The following PTPRD variants were observed in gnomAD, a reference collection of about 807,000 sequenced individuals.
PTPRD encodes receptor-type tyrosine-protein phosphatase delta.
Under a neutral mutation model 214.5 loss-of-function variants are expected in PTPRD, and 34 were observed. The observed-to-expected ratio is 0.16, with a 90% CI of 0.12 to 0.21. The LOEUF (loss-of-function observed/expected upper bound fraction) is 0.21, where lower values mean the gene tolerates loss of function less well. Ranked by LOEUF, PTPRD falls within the 10% of genes least tolerant of loss-of-function variation. The pLI is 1.00. For missense variants in PTPRD, 2,545 were observed against 2,398.7 expected (o/e 1.06, Z -1.27); for synonymous variants, 1,128 against 845.7 (o/e 1.33, Z -5.79).
chr9:9,525,935 A>G (rs1171390696), intron 8 of PTPRD, among the ~76,000 whole-genome samples: 1 of 152,158 alleles, frequency 6.6e-6, no homozygotes, highest in Non-Finnish European at 1.5e-5. Flanking sequence ...CTCACTCTAG[A>G]AATCCTCATA....
chr9:10,481,113 G>A (rs1324791129), intron 2 of PTPRD, among the ~76,000 whole-genome samples: 1 of 151,762 alleles, frequency 6.6e-6, no homozygotes, highest in Admixed American at 6.6e-5. Context: ...AAAAGGAGAG[G>A]TGTTCTGAAA....
intron 3 of PTPRD, among the ~76,000 whole-genome samples, chr9:10,180,136 A>G (rs768336445): frequency 1.3e-5 from 2 of 152,124 alleles, no homozygotes; most frequent in Non-Finnish European, 2.9e-5. Context: ...AAGATATACA[A>G]TATTTGAAAA....
At chr9:9,438,683 G>A (rs1367603300) in intron 8 of PTPRD, among the ~76,000 whole-genome samples, 1 of 152,084 alleles carries the variant, frequency 6.6e-6, no homozygotes, top group East Asian at 1.9e-4. Flanking sequence ...TTATGAATTA[G>A]TATTTAAAAA....
chr9:9,000,407 G>A (rs1302691665), intron 11 of PTPRD, among the ~76,000 whole-genome samples: 1 of 151,990 alleles, frequency 6.6e-6, no homozygotes, highest in Non-Finnish European at 1.5e-5. Context: ...AAAGAGAGAA[G>A]ACAGAAATGG....
At chr9:9,455,245 T>A (rs960219680) in intron 8 of PTPRD, among the ~76,000 whole-genome samples, 1 of 151,594 alleles carries the variant, frequency 6.6e-6, no homozygotes, top group Non-Finnish European at 1.5e-5. Context: ...GAGATGTAGA[T>A]GGGAAAATGA....
chr9:8,521,181 G>T, intron 20 of PTPRD, 96 bp downstream of exon 20: 7 of 1,354,022 alleles, frequency 5.2e-6, no homozygotes, highest in Non-Finnish European at 7.0e-6. Context: ...GCTGAATAAT[G>T]AATTATTTTA....
intron 3 of PTPRD, among the ~76,000 whole-genome samples, chr9:10,168,678 T>A (rs2099175589): frequency 6.6e-6 from 1 of 152,206 alleles, no homozygotes; most frequent in African/African-American, 2.4e-5. Flanking sequence ...AAGTATTTAT[T>A]AAAAGAAAAT....
At chr9:10,551,332 T>C (rs1328702834) in intron 2 of PTPRD, among the ~76,000 whole-genome samples, 1 of 152,144 alleles carries the variant, frequency 6.6e-6, no homozygotes, top group East Asian at 1.9e-4. Context: ...CAGGGAGACC[T>C]TGTCACCAAA....
At chr9:9,732,157 G>A (rs572863226) in intron 7 of PTPRD, among the ~76,000 whole-genome samples, 1 of 152,116 alleles carries the variant, frequency 6.6e-6, no homozygotes, top group Non-Finnish European at 1.5e-5. Flanking sequence ...GCTGGTCACA[G>A]AAGCAGAAAT....
At chr9:8,662,535 A>C (rs552605222) in intron 12 of PTPRD, among the ~76,000 whole-genome samples, 1 of 152,256 alleles carries the variant, frequency 6.6e-6, no homozygotes, top group Non-Finnish European at 1.5e-5. Context: ...CAGGGCTCTG[A>C]TACAGCCTAG....
In PTPRD at chr9:9,401,734, T is replaced by TGGG. The variant is rs1452809611; in HGVS notation, c.-236-4253_-236-4252insCCC. The stretch of plus-strand genomic sequence containing the variant: ...CCCATGTGTCCTGGGAGGGACCCAG[T>TGGG]AGGAGGCAATTGAATCATGGGGGTG... On this transcript the variant is annotated intron_variant, in intron 8 of 45. Transcript: ENST00000381196. 9.2e-5 allele frequency among the ~76,000 whole-genome samples: 14 copies of TGGG among 152,104 alleles called. No homozygotes were observed. The South Asian group carries it at 2.9e-3, about 32-fold the overall frequency.
At chr9:8,376,492 C>G in intron 38 of PTPRD, 115 bp downstream of exon 38, 1 of 1,436,826 alleles carries the variant, frequency 7.0e-7, no homozygotes, top group Admixed American at 1.8e-5. Context: ...TCATTCTTCA[C>G]TGTTGCCATT....
intron 8 of PTPRD, among the ~76,000 whole-genome samples, chr9:9,543,328 C>A (rs990901397): frequency 1.8e-4 from 28 of 151,610 alleles, no homozygotes; most frequent in Admixed American, 9.2e-4. Context: ...TAGAAATTTG[C>A]ACAAGGCTAC....
chr9:9,948,397 C>T (rs1304671591), intron 4 of PTPRD, among the ~76,000 whole-genome samples: 1 of 152,070 alleles, frequency 6.6e-6, no homozygotes, highest in African/African-American at 2.4e-5. Flanking sequence ...CCTCACCGTA[C>T]TCCATTCCCA....
chr9:9,744,725 A>G (rs915005670), intron 6 of PTPRD, among the ~76,000 whole-genome samples: 1 of 152,082 alleles, frequency 6.6e-6, no homozygotes, highest in African/African-American at 2.4e-5. Context: ...TGAAGAACAG[A>G]AAAAGAATAT....
chr9:8,821,190 A>T (rs930342795), intron 11 of PTPRD, among the ~76,000 whole-genome samples: 2 of 152,152 alleles, frequency 1.3e-5, no homozygotes, highest in African/African-American at 4.8e-5. Flanking sequence ...AAAGGAAACA[A>T]TGGGAATAAG....
intron 11 of PTPRD, among the ~76,000 whole-genome samples, chr9:8,811,544 G>T (rs1191989249): frequency 6.6e-6 from 1 of 152,126 alleles, no homozygotes; most frequent in Non-Finnish European, 1.5e-5. Flanking sequence ...CAGTCCTGAG[G>T]TCACTAAGGA....
chr9:10,452,378 A>AT (rs112539878), intron 2 of PTPRD, among the ~76,000 whole-genome samples: 35 of 150,488 alleles, frequency 2.3e-4, no homozygotes, highest in South Asian at 1.3e-3. Flanking sequence ...CTCTATTTTT[A>AT]TTTTTTTTTG....
intron 5 of PTPRD, among the ~76,000 whole-genome samples, chr9:9,833,109 A>C (rs1038471618): frequency 1.3e-5 from 2 of 151,104 alleles, no homozygotes; most frequent in African/African-American, 4.9e-5. Flanking sequence ...AAGGCCAGGT[A>C]ATAGCAATAC....
Sources: allele counts gnomAD v4.1 joint callset (sites outside exome capture counted in the v4.1 genomes callset), GRCh38; gene constraint gnomAD v4.1.1; transcripts MANE v1.5; gene names NCBI Gene and HGNC (gene_info 2026-07-23, HGNC 2026-07-21).